TES: variants seen among roughly 807,000 people sequenced by gnomAD.
TES encodes the protein testin.
In TES, 41 loss-of-function variants were observed where a neutral mutation model predicts 48.2. The ratio of observed to expected loss-of-function variants is 0.85; its 90% CI spans 0.66 to 1.10. TES has a LOEUF of 1.10. TES is among the 50% of genes least tolerant of loss of function. The pLI is 0.00. For missense variants in TES, 463 were observed against 515.1 expected (o/e 0.90, Z 0.98); for synonymous variants, 162 against 174.9 (o/e 0.93, Z 0.58).
intron 2 of TES, among the ~76,000 whole-genome samples, chr7:116,236,575 G>C (rs966204465): frequency 2.6e-5 from 4 of 152,042 alleles, no homozygotes; most frequent in African/African-American, 9.7e-5. Context: ...TATTTTACTT[G>C]TGAAACATTT....
chr7:116,250,057 T>C (rs1214146688), intron 3 of TES, 104 bp from the exon 4 acceptor site: 4 of 963,946 alleles, frequency 4.1e-6, no homozygotes, highest in Non-Finnish European at 5.8e-6. Context: ...TGCTATTGGA[T>C]AGAACCCACT....
chr7:116,227,722 A>G (rs184456201), intron 1 of TES, among the ~76,000 whole-genome samples: 1 of 152,226 alleles, frequency 6.6e-6, no homozygotes, highest in African/African-American at 2.4e-5. Context: ...TATATATGAT[A>G]GGTGGATAAA....
intron 4 of TES, chr7:116,251,478 T>G (rs974830464): frequency 9.0e-6 from 3 of 332,818 alleles, no homozygotes; most frequent in African/African-American, 2.1e-5. Context: ...GTCAGGAGAT[T>G]GAGACCATCC....
chr7:116,257,089 C>G (rs1433184407), intron 6 of TES, among the ~76,000 whole-genome samples: 4 of 152,194 alleles, frequency 2.6e-5, no homozygotes, highest in African/African-American at 9.7e-5. Flanking sequence ...TTGGCCTTCA[C>G]TCGTTATTTC....
In TES at chr7:116,234,515, G is replaced by A; in HGVS notation, c.28-19G>A. ...GTAAAGAATCTAATAACAGATTCAT[G>A]ATGTTTTCTTTTTAACAGATGGGCT... On this transcript the variant is annotated intron_variant, in intron 1 of 6. Coordinates refer to ENST00000358204, the MANE Select transcript of TES (RefSeq NM_015641.4). 1.2e-6 allele frequency: 2 copies of A among 1,600,490 alleles called. No homozygotes were observed. Among genetic ancestry groups the A allele is most frequent in the Non-Finnish European group, 8.5e-7 (1 of 1,169,866 alleles).
In TES at chr7:116,248,523, A is replaced by G. The variant is rs569209317; in HGVS notation, c.114-497A>G. 2.3e-4 allele frequency among the ~76,000 whole-genome samples: 35 copies of G among 152,302 alleles called. No homozygotes were observed. The South Asian group carries it at 6.8e-3, about 30-fold the overall frequency. On this transcript the variant is annotated intron_variant, in intron 2 of 6. Transcript: ENST00000358204. ...GCATCTCATCATCGTTTTGATTTGC[A>G]TTCCTTAATGATTAGTGATATTGAG... is the stretch of plus-strand genomic sequence containing the variant.
At chr7:116,252,772 G>C in intron 6 of TES, 1 of 401,606 alleles carries the variant, frequency 2.5e-6, no homozygotes, top group African/African-American at 2.0e-5. Flanking sequence ...TTATTTTCAT[G>C]GTTAGCAATC....
rs562082890 is a variant in TES, at chr7:116,258,153, CAT to C, written c.*672_*673del. ...TGTGGCCTTGAATATTTTATTATCACATGTGGCATAACAGTATCCACACTTTT... is the reference window on the plus strand; with the variant it reads ...TGTGGCCTTGAATATTTTATTATCACGTGGCATAACAGTATCCACACTTTT... On this transcript the variant is annotated 3_prime_UTR_variant, in exon 7 of 7. Coordinates refer to ENST00000358204, the MANE Select transcript of TES (RefSeq NM_015641.4). 7 of 151,556 alleles carry C rather than the reference CAT, an allele frequency of 4.6e-5. No homozygotes were observed. Among genetic ancestry groups the C allele is most frequent in the Admixed American group, 6.6e-5 (1 of 15,228 alleles). 9.4% of individuals were successfully genotyped at this position (151,556 alleles called of 1,614,324 possible).
intron 2 of TES, among the ~76,000 whole-genome samples, chr7:116,243,475 C>T (rs1173789732): frequency 6.6e-6 from 1 of 152,146 alleles, no homozygotes; most frequent in Non-Finnish European, 1.5e-5. Context: ...CAGATGATCT[C>T]TTTAACTCAT....
chr7:116,251,431 C>G (rs1800006102), intron 4 of TES: 1 of 268,556 alleles, frequency 3.7e-6, no homozygotes, highest in Admixed American at 4.6e-5. Flanking sequence ...GCCTGTAATC[C>G]CAGCACTTTG....
At chr7:116,222,809 A>G (rs1418626771) in intron 1 of TES, 1 of 181,488 alleles carries the variant, frequency 5.5e-6, no homozygotes, top group Admixed American at 6.5e-5. Context: ...TAGCAAATAA[A>G]TAGGAGGTTT....
Position 116,250,389 on chromosome 7 carries a change from G to T in TES, c.595G>T (p.Asp199Tyr), listed in dbSNP as rs760294888. 3 of 1,614,058 alleles carry T rather than the reference G, an allele frequency of 1.9e-6. No homozygotes were observed. The highest frequency in any genetic ancestry group is 1.7e-5 in the Admixed American group (1 of 60,004). Reference sequence around the variant, plus strand: ...AGATGTCAAACTTCCCTGTGAGATGGATGCCCAAGGCCCCAAACAAATGAA... The same window carrying T: ...AGATGTCAAACTTCCCTGTGAGATGTATGCCCAAGGCCCCAAACAAATGAA... Reference protein sequence around the residue: ...VGDVKLPCEMDAQGPKQMNIP... With the variant: ...VGDVKLPCEMYAQGPKQMNIP... Residue 199 changes from aspartate to tyrosine, a missense_variant, in exon 4 of 7, where the codon GAT becomes TAT. By Grantham distance (160) the Asp-to-Tyr change is radical. Coordinates refer to ENST00000358204, the MANE Select transcript of TES (RefSeq NM_015641.4).
intron 2 of TES, 135 bp from the exon 3 acceptor site, chr7:116,248,885 C>G: frequency 1.2e-6 from 1 of 809,360 alleles, no homozygotes; most frequent in Non-Finnish European, 1.8e-6. Context: ...ACTTATTCTC[C>G]CTCCTAAAAA....
chr7:116,246,572 C>A (rs1799925687), intron 2 of TES, among the ~76,000 whole-genome samples: 1 of 152,232 alleles, frequency 6.6e-6, no homozygotes, highest in Non-Finnish European at 1.5e-5. Context: ...ATTGACTCAT[C>A]TTCCTACAGT....
At chr7:116,212,515 A>G (rs1340900104) in intron 1 of TES, among the ~76,000 whole-genome samples, 2 of 152,200 alleles carry the variant, frequency 1.3e-5, no homozygotes, top group African/African-American at 4.8e-5. Flanking sequence ...GGGGAGGTAC[A>G]TGGGAACTTC....
intron 1 of TES, chr7:116,217,950 A>G: frequency 2.0e-6 from 1 of 500,690 alleles, no homozygotes; most frequent in East Asian, 5.5e-5. Flanking sequence ...TCTAAGTATC[A>G]CTGTATTTAT....
At chr7:116,231,652 A>G (rs1799701760) in intron 1 of TES, among the ~76,000 whole-genome samples, 2 of 152,208 alleles carry the variant, frequency 1.3e-5, no homozygotes, top group South Asian at 4.1e-4. Flanking sequence ...ATCCAAAAAA[A>G]GGAATGTCTG....
chr7:116,238,597 T>TATG (rs1156847505), intron 2 of TES, among the ~76,000 whole-genome samples: 1 of 149,012 alleles, frequency 6.7e-6, no homozygotes, highest in Non-Finnish European at 1.5e-5. Context: ...TTATTATTAT[T>TATG]ATTATTATTA....
intron 2 of TES, among the ~76,000 whole-genome samples, chr7:116,246,976 T>C (rs1399832369): frequency 1.4e-5 from 2 of 143,366 alleles, no homozygotes; most frequent in Non-Finnish European, 3.0e-5. Flanking sequence ...TTAAGCACTA[T>C]GTCCTAGTGT....
Sources: gnomAD v4.1 joint callset for allele counts (sites outside exome capture counted in the v4.1 genomes callset) on GRCh38, gnomAD v4.1.1 for gene constraint, MANE v1.5 for transcripts, NCBI Gene and HGNC (gene_info 2026-07-23, HGNC 2026-07-21) for gene names.